The following AGTPBP1 variants were observed in gnomAD, a reference collection of about 807,000 sequenced individuals.
AGTPBP1 encodes the protein ATP/GTP binding carboxypeptidase 1, also known as cytosolic carboxypeptidase 1.
AGTPBP1 carries 70 observed loss-of-function variants against 143.9 expected under a neutral mutation model. The observed-to-expected ratio is 0.49, with a 90% CI of 0.40 to 0.59. AGTPBP1 has a LOEUF of 0.59. Ranked by LOEUF, AGTPBP1 falls within the 20% of genes least tolerant of loss-of-function variation. The pLI is 0.00. For synonymous variants in AGTPBP1, 463 were observed against 500.2 expected (o/e 0.93, Z 0.99); for missense variants, 1,229 against 1,464.5 (o/e 0.84, Z 2.62).
At chr9:85,717,388 G>C (rs1239696993) in intron 1 of AGTPBP1, among the ~76,000 whole-genome samples, 1 of 152,192 alleles carries the variant, frequency 6.6e-6, no homozygotes, top group African/African-American at 2.4e-5. Context: ...CGTAGTCCCA[G>C]CTACTCAGGA....
At chr9:85,637,000 G>GC (rs1832103606) in intron 13 of AGTPBP1, among the ~76,000 whole-genome samples, 1 of 149,668 alleles carries the variant, frequency 6.7e-6, no homozygotes, top group African/African-American at 2.5e-5. Flanking sequence ...TCACTGATAG[G>GC]TATTTACCCA....
chr9:85,746,537 G>C (rs1824585549), upstream of AGTPBP1, among the ~76,000 whole-genome samples: 1 of 152,128 alleles, frequency 6.6e-6, no homozygotes, highest in Admixed American at 6.5e-5. Flanking sequence ...GCTGAGGCAG[G>C]AGGATAGCTT....
the AGTPBP1 span, among the ~76,000 whole-genome samples, chr9:85,747,983 A>C: frequency 6.6e-6 from 1 of 150,526 alleles, no homozygotes; most frequent in South Asian, 2.1e-4. Flanking sequence ...AGTTTTTTTC[A>C]TCCTAAAATT....
chr9:85,682,519 T>C (rs1032879077), intron 3 of AGTPBP1, among the ~76,000 whole-genome samples: 1 of 152,204 alleles, frequency 6.6e-6, no homozygotes, highest in African/African-American at 2.4e-5. Flanking sequence ...TAATGCACTT[T>C]ATTTAATGTC....
At chr9:85,638,349 T>C (rs1399607259) in intron 13 of AGTPBP1, among the ~76,000 whole-genome samples, 1 of 151,942 alleles carries the variant, frequency 6.6e-6, no homozygotes, top group Non-Finnish European at 1.5e-5. Context: ...TCAAAAAAGT[T>C]GATTAAAATA....
At chr9:85,751,896 A>C in the AGTPBP1 span, among the ~76,000 whole-genome samples, 3 of 149,624 alleles carry the variant, frequency 2.0e-5, no homozygotes, top group Non-Finnish European at 3.0e-5. Flanking sequence ...ATGAGCCACC[A>C]CTCCTGGCCA....
the AGTPBP1 span, among the ~76,000 whole-genome samples, chr9:85,784,755 G>T: frequency 6.6e-6 from 1 of 152,084 alleles, no homozygotes; most frequent in Non-Finnish European, 1.5e-5. Flanking sequence ...TAAACCAGGG[G>T]TTACAAACTA....
chr9:85,632,040 T>C (rs1831711478), intron 14 of AGTPBP1, among the ~76,000 whole-genome samples: 1 of 152,132 alleles, frequency 6.6e-6, no homozygotes, highest in African/African-American at 2.4e-5. Flanking sequence ...TATTGTTTCA[T>C]TTATAGTCTA....
the AGTPBP1 span, among the ~76,000 whole-genome samples, chr9:85,800,324 C>A: frequency 2.6e-5 from 4 of 152,156 alleles, no homozygotes; most frequent in Admixed American, 2.6e-4. Context: ...TCTCCTTCTG[C>A]TTTCGGAGAG....
At chr9:85,753,466 G>T in the AGTPBP1 span, 1 of 1,607,890 alleles carries the variant, frequency 6.2e-7, no homozygotes, top group African/African-American at 1.3e-5. Context: ...TCAATCTGAT[G>T]GTTGTCTAAA....
chr9:85,803,423 G>C, the AGTPBP1 span, among the ~76,000 whole-genome samples: 22 of 152,132 alleles, frequency 1.4e-4, no homozygotes, highest in Middle Eastern at 3.4e-3. Flanking sequence ...CCCTTTCTTT[G>C]CTGGCTTGGC....
intron 3 of AGTPBP1, among the ~76,000 whole-genome samples, chr9:85,684,824 G>A (rs936871931): frequency 2.0e-5 from 3 of 151,660 alleles, no homozygotes; most frequent in Non-Finnish European, 4.4e-5. Flanking sequence ...TCAATTATCT[G>A]AATGTTAGAT....
At chr9:85,603,207 C>T (rs1260711944) in intron 17 of AGTPBP1, among the ~76,000 whole-genome samples, 4 of 152,184 alleles carry the variant, frequency 2.6e-5, no homozygotes, top group Non-Finnish European at 4.4e-5. Flanking sequence ...CACATCACTC[C>T]TCCCCCAATC....
At chr9:85,578,571 C>T (rs1313384817) in intron 24 of AGTPBP1, among the ~76,000 whole-genome samples, 1 of 151,818 alleles carries the variant, frequency 6.6e-6, no homozygotes, top group African/African-American at 2.4e-5. Flanking sequence ...AATTTATATC[C>T]AATAAATTAA....
chr9:85,795,341 A>G, the AGTPBP1 span, among the ~76,000 whole-genome samples: 2 of 151,404 alleles, frequency 1.3e-5, no homozygotes, highest in Admixed American at 1.3e-4. Context: ...ATTAATTATA[A>G]TGCTGACTAA....
chr9:85,577,696 C>G (rs963702868), intron 24 of AGTPBP1, among the ~76,000 whole-genome samples: 8 of 152,126 alleles, frequency 5.3e-5, no homozygotes, highest in African/African-American at 1.9e-4. Context: ...TACTACTATT[C>G]TTATTTAAGT....
intron 17 of AGTPBP1, among the ~76,000 whole-genome samples, chr9:85,608,944 A>G (rs79844836): frequency 0.016 from 2,512 of 152,294 alleles, 27 homozygotes; most frequent in Middle Eastern, 0.054. Flanking sequence ...CAGGGAGATT[A>G]TTACATAAAC....
chr9:85,798,808 C>A, the AGTPBP1 span, among the ~76,000 whole-genome samples: 1 of 152,226 alleles, frequency 6.6e-6, no homozygotes, highest in Non-Finnish European at 1.5e-5. Flanking sequence ...CCTGTAGTCC[C>A]AGCTACTTGG....
rs1825774268 is a variant in AGTPBP1 at position 85,547,027 on chromosome 9, C to T, written c.*82G>A. 2 of 1,446,280 alleles carry T rather than the reference C, an allele frequency of 1.4e-6. No homozygotes were observed. The highest frequency in any genetic ancestry group is 1.8e-6 in the Non-Finnish European group (2 of 1,086,892). The allele number at this position is 1,446,280 out of a possible 1,614,324, so 89.6% of individuals were successfully genotyped here. On this transcript the variant is annotated 3_prime_UTR_variant, in exon 26 of 26. Coordinates refer to ENST00000357081, the MANE Select transcript of AGTPBP1 (RefSeq NM_001330701.2). ...TCTTTTTGAGTCAGCTCTGTATAAA[C>T]TCATTTCTCTCAAGCTTCCTGGGAA...
Sources: allele counts gnomAD v4.1 joint callset (sites outside exome capture counted in the v4.1 genomes callset), GRCh38; gene constraint gnomAD v4.1.1; transcripts MANE v1.5; gene names NCBI Gene and HGNC (gene_info 2026-07-23, HGNC 2026-07-21).